C7orf78: variants seen among roughly 807,000 people sequenced by gnomAD.
C7orf78 encodes the protein putative uncharacterized protein C7orf78.
chr7:12,510,181 G>C, the C7orf78 span, among the ~76,000 whole-genome samples: 1 of 1,112 alleles, frequency 9.0e-4, no homozygotes. Context: ...TTGGGAGGGT[G>C]GGGGGGTTTC....
the C7orf78 span, among the ~76,000 whole-genome samples, chr7:12,515,261 G>A: frequency 3.9e-5 from 6 of 152,090 alleles, no homozygotes; most frequent in Non-Finnish European, 5.9e-5. Flanking sequence ...TACTATTCTC[G>A]TGATAGTGAA....
chr7:12,541,529 A>C, the C7orf78 span: 1 of 151,290 alleles, frequency 6.6e-6, no homozygotes, highest in Non-Finnish European at 1.5e-5. Context: ...ATCCAAAGAC[A>C]AAAAAATAGG....
the C7orf78 span, among the ~76,000 whole-genome samples, chr7:12,488,927 G>GT: frequency 4.8e-4 from 36 of 74,474 alleles, no homozygotes; most frequent in African/African-American, 1.3e-3. Flanking sequence ...TTTTTTTTTT[G>GT]GTTTTTTGCT....
the C7orf78 span, among the ~76,000 whole-genome samples, chr7:12,539,877 G>T: frequency 6.6e-6 from 1 of 152,196 alleles, no homozygotes; most frequent in African/African-American, 2.4e-5. Flanking sequence ...GAGGGCTCCA[G>T]GCTTCTCATT....
chr7:12,497,478 GAATCGGGAA>G, the C7orf78 span, among the ~76,000 whole-genome samples: 122,201 of 151,576 alleles, frequency 0.81, 49,405 homozygotes, highest in East Asian at 1. Flanking sequence ...GGCACCTGGA[GAATCGGGAA>G]AATCGGGTCA....
chr7:12,524,489 CAT>C, the C7orf78 span, among the ~76,000 whole-genome samples: 1 of 137,894 alleles, frequency 7.3e-6, no homozygotes, highest in African/African-American at 2.8e-5. Flanking sequence ...TAGTAAATAA[CAT>C]ATGTTACCTT....
chr7:12,504,177 G>T, the C7orf78 span, among the ~76,000 whole-genome samples: 1 of 152,124 alleles, frequency 6.6e-6, no homozygotes, highest in Non-Finnish European at 1.5e-5. Flanking sequence ...GAGTTCTCAA[G>T]ACTTAGTAAA....
chr7:12,539,470 CA>C, the C7orf78 span, among the ~76,000 whole-genome samples: 1 of 152,006 alleles, frequency 6.6e-6, no homozygotes, highest in African/African-American at 2.4e-5. Context: ...TCTCAAAAAA[CA>C]AAAAAACAAA....
At chr7:12,509,243 C>G in the C7orf78 span, among the ~76,000 whole-genome samples, 1 of 146,900 alleles carries the variant, frequency 6.8e-6, no homozygotes, top group Non-Finnish European at 1.5e-5. Context: ...TGACTTAAGA[C>G]TAATGTTTAG....
chr7:12,530,023 G>A, the C7orf78 span, among the ~76,000 whole-genome samples: 1 of 52,204 alleles, frequency 1.9e-5, no homozygotes. Context: ...TGGTGGGGCT[G>A]TCTCGTGGAG....
At chr7:12,494,997 C>T in the C7orf78 span, among the ~76,000 whole-genome samples, 1 of 152,142 alleles carries the variant, frequency 6.6e-6, no homozygotes, top group Non-Finnish European at 1.5e-5. Flanking sequence ...GCCCAGATAA[C>T]CTGTTAGTCA....
chr7:12,499,336 A>G, the C7orf78 span, among the ~76,000 whole-genome samples: 2 of 151,840 alleles, frequency 1.3e-5, no homozygotes, highest in Non-Finnish European at 2.9e-5. Context: ...TATTCAGCAC[A>G]CTCACGTGCA....
At chr7:12,504,318 G>C in the C7orf78 span, 1 of 152,114 alleles carries the variant, frequency 6.6e-6, no homozygotes, top group Non-Finnish European at 1.5e-5. Flanking sequence ...CTATGTTTTA[G>C]GCAACAACCA....
chr7:12,495,621 CTTATTT>C, the C7orf78 span, among the ~76,000 whole-genome samples: 3 of 152,236 alleles, frequency 2.0e-5, no homozygotes, highest in South Asian at 6.2e-4. Context: ...GTTGATATTA[CTTATTT>C]TTTCCAAGTA....
At chr7:12,487,528 T>C in the C7orf78 span, among the ~76,000 whole-genome samples, 500 of 152,208 alleles carry the variant, frequency 3.3e-3, 5 homozygotes, top group African/African-American at 0.011. Flanking sequence ...TTATTTCCTG[T>C]GACCACATAA....
chr7:12,498,009 C>G, the C7orf78 span, among the ~76,000 whole-genome samples: 2 of 151,918 alleles, frequency 1.3e-5, no homozygotes, highest in East Asian at 1.9e-4. Flanking sequence ...TCCAACAGAC[C>G]TGCAGCTGAG....
the C7orf78 span, among the ~76,000 whole-genome samples, chr7:12,493,196 ATAAG>A: frequency 6.6e-6 from 1 of 152,226 alleles, no homozygotes; most frequent in South Asian, 2.1e-4. Context: ...ACCCTGTCAA[ATAAG>A]TAAGTAAATA....
chr7:12,528,781 A>G, the C7orf78 span: 669 of 395,112 alleles, frequency 1.7e-3, 6 homozygotes, highest in African/African-American at 0.013. Context: ...ATTTACATCT[A>G]TAAATTATCC....
chr7:12,517,080 C>G, the C7orf78 span, among the ~76,000 whole-genome samples: 1 of 151,866 alleles, frequency 6.6e-6, no homozygotes, highest in African/African-American at 2.4e-5. Context: ...TTAACTGTGT[C>G]CCCACCCAAA....
Sources: allele counts gnomAD v4.1 joint callset (sites outside exome capture counted in the v4.1 genomes callset), GRCh38; gene constraint gnomAD v4.1.1; transcripts MANE v1.5; gene names NCBI Gene and HGNC (gene_info 2026-07-23, HGNC 2026-07-21).